The following SLC35F3 variants were observed in gnomAD, a reference collection of about 807,000 sequenced individuals.
SLC35F3 encodes the protein solute carrier family 35 member F3, also known as putative thiamine transporter SLC35F3.
SLC35F3 carries 25 observed loss-of-function variants against 49.9 expected under a neutral mutation model. The ratio of observed to expected loss-of-function variants is 0.50; its 90% CI spans 0.37 to 0.70. The LOEUF (loss-of-function observed/expected upper bound fraction) is 0.70, where lower values mean the gene tolerates loss of function less well. Ranked by LOEUF, SLC35F3 falls within the 30% of genes least tolerant of loss-of-function variation. SLC35F3 has a pLI of 0.00. For missense variants in SLC35F3, 525 were observed against 639.8 expected, an observed-to-expected ratio of 0.82 and a Z score of 1.94; for synonymous variants, 275 against 265.4, an observed-to-expected ratio of 1.04 and a Z score of -0.35.
intron 5 of SLC35F3, 62 bp from the exon 6 acceptor site, chr1:234,318,689 C>A: frequency 6.8e-7 from 1 of 1,462,398 alleles, no homozygotes. Context: ...CTCTGCTTTG[C>A]TTACATCATA....
intron 3 of SLC35F3, among the ~76,000 whole-genome samples, chr1:234,288,607 G>T (rs573794709): frequency 2.6e-5 from 4 of 152,186 alleles, no homozygotes; most frequent in Admixed American, 6.5e-5. Flanking sequence ...AGAAAGAAAA[G>T]ATAATCAAGG....
At chr1:234,312,860 TG>T (rs1553264148) in intron 4 of SLC35F3, among the ~76,000 whole-genome samples, 3 of 55,248 alleles carry the variant, frequency 5.4e-5, no homozygotes. Context: ...TAGGTTTTTT[TG>T]TTTGTTTGTT....
intron 3 of SLC35F3, among the ~76,000 whole-genome samples, chr1:234,253,096 C>T (rs942505096): frequency 1.5e-4 from 23 of 152,212 alleles, no homozygotes; most frequent in African/African-American, 4.8e-4. Context: ...GAGGCCAAGG[C>T]GGGTGGATCA....
At chr1:234,146,229 G>A (rs572312139) in intron 2 of SLC35F3, among the ~76,000 whole-genome samples, 7 of 151,922 alleles carry the variant, frequency 4.6e-5, no homozygotes, top group African/African-American at 1.4e-4. Context: ...ATGTTCTTCT[G>A]ATGGAATAAT....
At chr1:233,942,136 A>G (rs998180919) in intron 2 of SLC35F3, among the ~76,000 whole-genome samples, 5 of 150,664 alleles carry the variant, frequency 3.3e-5, no homozygotes, top group African/African-American at 1.2e-4. Context: ...AATTTTTTGT[A>G]TTTTTTAGCA....
At chr1:233,965,337 C>T (rs1477945402) in intron 2 of SLC35F3, among the ~76,000 whole-genome samples, 1 of 152,184 alleles carries the variant, frequency 6.6e-6, no homozygotes, top group African/African-American at 2.4e-5. Flanking sequence ...GTGGGCTGAG[C>T]TTTTTATCCC....
chr1:234,041,196 C>T lies in SLC35F3; in HGVS notation c.283+135438C>T, dbSNP rs138107000. On this transcript the variant is annotated intron_variant, in intron 2 of 7. Transcript: ENST00000366618. ...TTAACACTACTACTGTAATAAATACCCTCAAATTCTCAATGGCTTAACACA... is the reference window on the plus strand; with the variant it reads ...TTAACACTACTACTGTAATAAATACTCTCAAATTCTCAATGGCTTAACACA... Among the ~76,000 whole-genome samples, 110 of 152,190 alleles carry T rather than the reference C, an allele frequency of 7.2e-4. 1 individual carries two copies. In the East Asian group the frequency reaches 0.02, roughly 28 times the overall value.
At chr1:233,989,841 C>T (rs1303615767) in intron 2 of SLC35F3, among the ~76,000 whole-genome samples, 2 of 152,090 alleles carry the variant, frequency 1.3e-5, no homozygotes, top group Non-Finnish European at 2.9e-5. Context: ...TTGAAATTTA[C>T]TAGCTGGGCT....
intron 2 of SLC35F3, among the ~76,000 whole-genome samples, chr1:234,216,675 T>C (rs1346394329): frequency 6.6e-6 from 1 of 152,174 alleles, no homozygotes; most frequent in East Asian, 1.9e-4. Context: ...AACTAAGAAA[T>C]GGTGAGATTG....
intron 2 of SLC35F3, among the ~76,000 whole-genome samples, chr1:233,947,955 G>A (rs1446017292): frequency 6.7e-6 from 1 of 149,702 alleles, no homozygotes; most frequent in Non-Finnish European, 1.5e-5. Context: ...TGTAATTGAG[G>A]TCAGTGTCTT....
chr1:234,222,033 G>T (rs1257612418), intron 2 of SLC35F3, among the ~76,000 whole-genome samples: 1 of 152,222 alleles, frequency 6.6e-6, no homozygotes, highest in Non-Finnish European at 1.5e-5. Context: ...GTGAGCATAT[G>T]TGTGCATGTA....
chr1:234,306,003 G>C (rs192499637), intron 3 of SLC35F3, among the ~76,000 whole-genome samples: 1 of 152,290 alleles, frequency 6.6e-6, no homozygotes, highest in Non-Finnish European at 1.5e-5. Context: ...AGTAATGTGG[G>C]CGTCAGTCAA....
At chr1:233,937,533 A>G (rs1662354608) in intron 2 of SLC35F3, among the ~76,000 whole-genome samples, 1 of 152,230 alleles carries the variant, frequency 6.6e-6, no homozygotes, top group South Asian at 2.1e-4. Flanking sequence ...TTTCCTATGA[A>G]TCCTGAGACA....
intron 2 of SLC35F3, among the ~76,000 whole-genome samples, chr1:234,225,381 G>A (rs1463147600): frequency 6.6e-6 from 1 of 152,152 alleles, no homozygotes; most frequent in East Asian, 1.9e-4. Context: ...CCAGGTCCTG[G>A]GATGGTGTAC....
intron 3 of SLC35F3, among the ~76,000 whole-genome samples, chr1:234,240,734 T>C (rs1219596801): frequency 6.6e-6 from 1 of 152,184 alleles, no homozygotes; most frequent in East Asian, 1.9e-4. Context: ...GAACCCCAGG[T>C]AACTGAGTCT....
At chr1:234,199,593 T>C (rs1285884753) in intron 2 of SLC35F3, among the ~76,000 whole-genome samples, 1 of 152,216 alleles carries the variant, frequency 6.6e-6, no homozygotes, top group African/African-American at 2.4e-5. Flanking sequence ...GCAATGATTT[T>C]TTGGTTGACT....
Position 233,904,907 on chromosome 1 carries a change from C to A in SLC35F3, c.-171C>A. 1 of 569,998 alleles carries A rather than the reference C, an allele frequency of 1.8e-6. No individual in the cohort carries two copies. Among genetic ancestry groups the A allele is most frequent in the South Asian group, 3.0e-5 (1 of 33,304 alleles). 35.3% of individuals were successfully genotyped at this position (569,998 alleles called of 1,614,324 possible). Reference sequence around the variant, plus strand: ...TCGTGCCGCACGCCGCGGAGGCGCTCGGGTACAGACCGCGCGGGCGCGCAC... The same window carrying A: ...TCGTGCCGCACGCCGCGGAGGCGCTAGGGTACAGACCGCGCGGGCGCGCAC... On this transcript the variant is annotated 5_prime_UTR_variant, in exon 1 of 8. Coordinates refer to ENST00000366618, the MANE Select transcript of SLC35F3 (RefSeq NM_173508.4).
chr1:233,994,957 T>C (rs1478609502), intron 2 of SLC35F3, among the ~76,000 whole-genome samples: 2 of 152,216 alleles, frequency 1.3e-5, no homozygotes, highest in African/African-American at 4.8e-5. Flanking sequence ...CCCCAGCACC[T>C]TCACATCTTG....
At chr1:234,136,466 C>T (rs1008139656) in intron 2 of SLC35F3, among the ~76,000 whole-genome samples, 2 of 152,030 alleles carry the variant, frequency 1.3e-5, no homozygotes, top group African/African-American at 4.8e-5. Context: ...CCACCCCAGC[C>T]TCTCAAGTAG....
Sources: gnomAD v4.1 joint callset for allele counts (sites outside exome capture counted in the v4.1 genomes callset) on GRCh38, gnomAD v4.1.1 for gene constraint, MANE v1.5 for transcripts, NCBI Gene and HGNC (gene_info 2026-07-23, HGNC 2026-07-21) for gene names.